The following NDUFA10 variants were observed in gnomAD, a reference collection of about 807,000 sequenced individuals.
NDUFA10 encodes NADH:ubiquinone oxidoreductase subunit A10.
NDUFA10 carries 40 observed loss-of-function variants against 47.8 expected under a neutral mutation model. The ratio of observed to expected loss-of-function variants is 0.84; its 90% CI spans 0.65 to 1.09. NDUFA10 has a LOEUF of 1.09. NDUFA10 is among the 50% of genes least tolerant of loss of function. The pLI is 0.00. For synonymous variants in NDUFA10, 183 were observed against 172.2 expected (o/e 1.06, Z -0.49); for missense variants, 413 against 451.1 (o/e 0.92, Z 0.76).
chr2:240,025,338 G>T lies in NDUFA10; in HGVS notation c.-37C>A. On this transcript the variant is annotated 5_prime_UTR_variant, in exon 1 of 10. Coordinates refer to ENST00000252711, the MANE Select transcript of NDUFA10 (RefSeq NM_004544.4). Reference sequence around the variant, plus strand: ...CAGCTCAGGATCAAGGACCCAAGGGGACGCGGTCGCGACGGGGCCCTCTCT... The same window carrying T: ...CAGCTCAGGATCAAGGACCCAAGGGTACGCGGTCGCGACGGGGCCCTCTCT... The T allele has an allele frequency of 2.0e-6, 3 of 1,471,956 alleles. No individual in the cohort carries two copies. The highest frequency in any genetic ancestry group is 2.7e-6 in the Non-Finnish European group (3 of 1,112,382). 91.2% of individuals were successfully genotyped at this position (1,471,956 alleles called of 1,614,324 possible). A position where few individuals can be genotyped will look rare whatever the true frequency, so the allele number is the denominator to read the frequency against.
At chr2:239,907,913 A>C (rs572060091) in intron 4 of NDUFA10, among the ~76,000 whole-genome samples, 2,222 of 151,994 alleles carry the variant, frequency 0.015, 64 homozygotes, top group African/African-American at 0.051. Context: ...ACCCAAAGGA[A>C]TATAAATCGT....
At chr2:239,909,129 C>G (rs13386645) in intron 4 of NDUFA10, among the ~76,000 whole-genome samples, 25,186 of 152,076 alleles carry the variant, frequency 0.17, 2,080 homozygotes, top group South Asian at 0.2. Context: ...CCTTGGCTTA[C>G]AGGCTGCTTC....
chr2:239,907,583 C>T (rs1281575871), intron 4 of NDUFA10, among the ~76,000 whole-genome samples: 3 of 152,132 alleles, frequency 2.0e-5, no homozygotes, highest in African/African-American at 4.8e-5. Flanking sequence ...AAAAAGTGGG[C>T]GAAGGATATA....
intron 5 of NDUFA10, among the ~76,000 whole-genome samples, chr2:239,893,804 A>G (rs149861660): frequency 6.6e-6 from 1 of 152,270 alleles, no homozygotes; most frequent in Non-Finnish European, 1.5e-5. Context: ...AGGTGCCTAG[A>G]TAAAGTCAGG....
chr2:239,957,299 C>T (rs560760740), downstream of NDUFA10: 9 of 152,326 alleles, frequency 5.9e-5, no homozygotes, highest in Admixed American at 4.6e-4. Context: ...CACATGACCA[C>T]GCGTAACATG....
At chr2:239,901,810 G>T (rs1427696383) in intron 4 of NDUFA10, among the ~76,000 whole-genome samples, 2 of 151,862 alleles carry the variant, frequency 1.3e-5, no homozygotes, top group African/African-American at 2.4e-5. Flanking sequence ...GAGTTTAAAA[G>T]AAGTTGATTC....
chr2:239,918,036 A>C (rs1410286752), intron 4 of NDUFA10, among the ~76,000 whole-genome samples: 1 of 152,124 alleles, frequency 6.6e-6, no homozygotes, highest in Non-Finnish European at 1.5e-5. Flanking sequence ...TGGGGAGAGG[A>C]GGCCTGGGCT....
At chr2:239,995,482 A>G (rs1006345457) in intron 8 of NDUFA10, among the ~76,000 whole-genome samples, 2 of 152,230 alleles carry the variant, frequency 1.3e-5, no homozygotes, top group Non-Finnish European at 2.9e-5. Flanking sequence ...TTAAGGGAAA[A>G]GATAAAAGAG....
intron 1 of NDUFA10, 152 bp downstream of exon 1, chr2:240,025,075 A>T: frequency 1.4e-6 from 1 of 734,398 alleles, no homozygotes; most frequent in Non-Finnish European, 2.0e-6. Flanking sequence ...CAAAGACCAA[A>T]CAATTCCGGA....
chr2:239,953,712 G>A (rs530564586), downstream of NDUFA10, among the ~76,000 whole-genome samples: 21 of 152,188 alleles, frequency 1.4e-4, no homozygotes, highest in Non-Finnish European at 2.4e-4. Context: ...CGTAAGTAGC[G>A]GCTTGCCCCA....
At chr2:239,989,721 A>G (rs934840965) in intron 9 of NDUFA10, among the ~76,000 whole-genome samples, 1 of 152,244 alleles carries the variant, frequency 6.6e-6, no homozygotes, top group African/African-American at 2.4e-5. Flanking sequence ...GCAGAAATGG[A>G]ACCCTCATTA....
intron 4 of NDUFA10, among the ~76,000 whole-genome samples, chr2:240,017,558 C>T (rs1206112024): frequency 1.3e-5 from 2 of 152,178 alleles, no homozygotes; most frequent in Admixed American, 1.3e-4. Context: ...CCCCCAACCC[C>T]GGGCCCGTGG....
chr2:239,989,170 T>C lies in NDUFA10; in HGVS notation c.999+904A>G, dbSNP rs1323053835. ...TGAGAGATATCTTTATGGTTTTATG[T>C]GTTTTCCCCAAATCCTCACACTGAA... is the stretch of plus-strand genomic sequence containing the variant. On this transcript the variant is annotated intron_variant, in intron 9 of 9. Coordinates refer to ENST00000252711, the MANE Select transcript of NDUFA10 (RefSeq NM_004544.4). 2.0e-5 allele frequency among the ~76,000 whole-genome samples: 3 copies of C among 152,366 alleles called. No homozygotes were observed. In the East Asian group the frequency reaches 5.8e-4, roughly 29 times the overall value.
chr2:239,936,967 T>A (rs1694275906), intron 4 of NDUFA10, among the ~76,000 whole-genome samples: 2 of 152,000 alleles, frequency 1.3e-5, no homozygotes, highest in South Asian at 4.2e-4. Flanking sequence ...CTCAAAAAAA[T>A]AAAAATAAAA....
At chr2:240,006,698 G>A (rs4368365) in intron 7 of NDUFA10, among the ~76,000 whole-genome samples, 27,779 of 152,098 alleles carry the variant, frequency 0.18, 2,812 homozygotes, top group African/African-American at 0.26. Context: ...CTTCATTTTT[G>A]TAATTATCCT....
rs867902432 is a variant in NDUFA10, at chr2:239,899,048, A to G, written c.295-3734T>C. 1.5e-3 allele frequency among the ~76,000 whole-genome samples: 65 copies of G among 42,026 alleles called. 2 individuals are homozygous for G. The highest frequency in any genetic ancestry group is 1.7e-3 in the Non-Finnish European group (32 of 18,644). The allele number at this position is 42,026 out of a possible 152,430, so 27.6% of individuals were successfully genotyped here. Reference sequence around the variant, plus strand: ...TGGAGGGGTGTAAAGGAGGGGTGTGATGGAGGAGTGTGATGGAGGGGTGTG... The same window carrying G: ...TGGAGGGGTGTAAAGGAGGGGTGTGGTGGAGGAGTGTGATGGAGGGGTGTG... On this transcript the variant is annotated intron_variant, in intron 4 of 5. Transcript: ENST00000419408.
intron 9 of NDUFA10, among the ~76,000 whole-genome samples, chr2:239,975,354 A>G (rs369666611): frequency 1.3e-5 from 2 of 152,224 alleles, no homozygotes; most frequent in Admixed American, 1.3e-4. Flanking sequence ...TCAGACATTT[A>G]TTTATAGCAA....
At chr2:240,007,175 T>C in intron 7 of NDUFA10, 141 bp downstream of exon 7, 1 of 697,644 alleles carries the variant, frequency 1.4e-6, no homozygotes, top group South Asian at 1.6e-5. Context: ...TGATGATGGG[T>C]TTGACTGGCA....
At chr2:239,913,717 T>C (rs1031916965) in intron 4 of NDUFA10, among the ~76,000 whole-genome samples, 2 of 152,236 alleles carry the variant, frequency 1.3e-5, no homozygotes, top group Non-Finnish European at 2.9e-5. Context: ...TATTCAACCA[T>C]GTTTGATCTG....
Sources: gnomAD v4.1 joint callset for allele counts (sites outside exome capture counted in the v4.1 genomes callset) on GRCh38, gnomAD v4.1.1 for gene constraint, MANE v1.5 for transcripts, NCBI Gene and HGNC (gene_info 2026-07-23, HGNC 2026-07-21) for gene names.